TYW1B: variants seen among roughly 807,000 people sequenced by gnomAD.
TYW1B encodes the protein tRNA-yW synthesizing protein 1 homolog B.
A neutral mutation model predicts 86.9 loss-of-function variants in TYW1B; 73 were observed. The observed-to-expected ratio is 0.84, with a 90% CI of 0.70 to 1.02. The LOEUF (loss-of-function observed/expected upper bound fraction) is 1.02, where lower values mean the gene tolerates loss of function less well. Ranked by LOEUF, TYW1B falls within the 50% of genes least tolerant of loss-of-function variation. The pLI, the probability that TYW1B is intolerant of heterozygous loss-of-function variation, is 0.00. For synonymous variants in TYW1B, 248 were observed against 292.8 expected, an observed-to-expected ratio of 0.85 and a Z score of 1.56; for missense variants, 637 against 827.4, an observed-to-expected ratio of 0.77 and a Z score of 2.82.
At chr7:72,814,264 G>A (rs1301801516) in intron 3 of TYW1B, among the ~76,000 whole-genome samples, 2 of 151,866 alleles carry the variant, frequency 1.3e-5, no homozygotes, top group Non-Finnish European at 2.9e-5. Context: ...GACCCGCCTG[G>A]GCAACACAGT....
intron 7 of TYW1B, among the ~76,000 whole-genome samples, chr7:72,758,169 G>A (rs1191615943): frequency 4.6e-5 from 7 of 152,064 alleles, no homozygotes; most frequent in African/African-American, 7.2e-5. Flanking sequence ...GCAGTGAGCC[G>A]AGATTGTGCC....
chr7:72,744,443 C>T (rs1554463077), intron 8 of TYW1B, 41 bp downstream of exon 8: 5 of 1,563,212 alleles, frequency 3.2e-6, no homozygotes, highest in Middle Eastern at 1.7e-4. Context: ...TACCACAGCT[C>T]ATTACATATT....
chr7:72,634,930 G>A (rs1275493161), intron 11 of TYW1B, among the ~76,000 whole-genome samples: 2 of 152,014 alleles, frequency 1.3e-5, no homozygotes, highest in Admixed American at 1.3e-4. Context: ...TCCACTTTAT[G>A]GCTTCCTTTT....
intron 6 of TYW1B, among the ~76,000 whole-genome samples, chr7:72,778,563 C>G (rs1787996908): frequency 6.6e-6 from 1 of 152,206 alleles, no homozygotes; most frequent in Non-Finnish European, 1.5e-5. Context: ...AATTCTCATG[C>G]CTCAGCCTCC....
At chr7:72,756,675 G>T (rs1787595396) in intron 7 of TYW1B, among the ~76,000 whole-genome samples, 1 of 152,092 alleles carries the variant, frequency 6.6e-6, no homozygotes. Context: ...TGAGTTACTG[G>T]TAGCCTGCGG....
intron 13 of TYW1B, among the ~76,000 whole-genome samples, chr7:72,596,718 T>C (rs1563023448): frequency 1.3e-5 from 2 of 152,064 alleles, no homozygotes; most frequent in African/African-American, 2.4e-5. Flanking sequence ...ACATTGAACA[T>C]AGCAGTGATT....
At chr7:72,737,268 G>A (rs1787213268) in intron 8 of TYW1B, among the ~76,000 whole-genome samples, 2 of 152,196 alleles carry the variant, frequency 1.3e-5, no homozygotes, top group African/African-American at 4.8e-5. Context: ...GAAACAGATG[G>A]CAAATTCTAA....
intron 13 of TYW1B, among the ~76,000 whole-genome samples, chr7:72,597,576 C>A (rs1284419098): frequency 1.3e-5 from 2 of 151,702 alleles, no homozygotes; most frequent in African/African-American, 2.4e-5. Flanking sequence ...GCGGTACCAC[C>A]CTGAACGCAC....
intron 11 of TYW1B, among the ~76,000 whole-genome samples, chr7:72,666,362 G>A (rs1227594153): frequency 6.6e-6 from 1 of 152,078 alleles, no homozygotes; most frequent in Non-Finnish European, 1.5e-5. Context: ...GGAGGCGGAG[G>A]CTGCAGTGAG....
At chr7:72,746,695 T>C (rs1224949424) in intron 7 of TYW1B, among the ~76,000 whole-genome samples, 1 of 152,140 alleles carries the variant, frequency 6.6e-6, no homozygotes, top group East Asian at 1.9e-4. Context: ...CAGAGATCTC[T>C]CTGCACGTGC....
At chr7:72,649,547 T>C (rs1394904917) in intron 11 of TYW1B, among the ~76,000 whole-genome samples, 2 of 152,176 alleles carry the variant, frequency 1.3e-5, no homozygotes, top group Non-Finnish European at 2.9e-5. Flanking sequence ...GTAAAATCTC[T>C]GGTAATGTTC....
intron 7 of TYW1B, among the ~76,000 whole-genome samples, chr7:72,765,932 A>C (rs1265571323): frequency 6.6e-6 from 1 of 152,242 alleles, no homozygotes; most frequent in East Asian, 1.9e-4. Context: ...GGTTGGAATA[A>C]GACTTCATAT....
intron 9 of TYW1B, among the ~76,000 whole-genome samples, chr7:72,720,803 G>A (rs1303715191): frequency 6.6e-6 from 1 of 151,954 alleles, no homozygotes; most frequent in Non-Finnish European, 1.5e-5. Context: ...CAATGTGCAG[G>A]TTTGTTACAT....
At chr7:72,805,546 G>A (rs1228252957) in intron 5 of TYW1B, among the ~76,000 whole-genome samples, 1 of 151,666 alleles carries the variant, frequency 6.6e-6, no homozygotes, top group Non-Finnish European at 1.5e-5. Context: ...TGGGGAGGTT[G>A]AGGCTGCAGT....
chr7:72,802,789 T>C (rs1554476048), intron 5 of TYW1B, among the ~76,000 whole-genome samples: 1 of 152,004 alleles, frequency 6.6e-6, no homozygotes, highest in Non-Finnish European at 1.5e-5. Context: ...CCTGGCTAAT[T>C]TTTGTAGTTT....
chr7:72,634,604 T>A (rs1174528012), intron 11 of TYW1B, among the ~76,000 whole-genome samples: 1 of 151,024 alleles, frequency 6.6e-6, no homozygotes, highest in Non-Finnish European at 1.5e-5. Flanking sequence ...GGCAATCTGA[T>A]TGCCAAAGAC....
chr7:72,709,306 C>T (rs1814687146), intron 10 of TYW1B, among the ~76,000 whole-genome samples: 1 of 152,166 alleles, frequency 6.6e-6, no homozygotes, highest in South Asian at 2.1e-4. Context: ...AAAAATGCAA[C>T]ACAATTTGCC....
At position 72,734,268 on chromosome 7, in the gene TYW1B, A is replaced by AAAAAAAAAAAAAAAAAAAAAAAAC. The variant is rs56806378; in HGVS notation, c.1083-5338_1083-5337insGTTTTTTTTTTTTTTTTTTTTTTT. Among the ~76,000 whole-genome samples, 4 of 98,156 alleles carry AAAAAAAAAAAAAAAAAAAAAAAAC rather than the reference A, an allele frequency of 4.1e-5. 1 individual carries two copies. The highest frequency in any genetic ancestry group is 6.3e-5 in the Non-Finnish European group (3 of 47,702). The allele number at this position is 98,156 out of a possible 152,430, so 64.4% of individuals were successfully genotyped here. A position where few individuals can be genotyped will look rare whatever the true frequency, so the allele number is the denominator to read the frequency against. ...TTAAAACTCCATCTCAAAAAAAAAA[A>AAAAAAAAAAAAAAAAAAAAAAAAC]ACACAACAAAAAAACTATAAACCTA... On this transcript the variant is annotated intron_variant, in intron 8 of 13. Coordinates refer to ENST00000620995, the MANE Select transcript of TYW1B (RefSeq NM_001145440.3).
chr7:72,716,805 A>AAT (rs1222364426), intron 9 of TYW1B, among the ~76,000 whole-genome samples: 5 of 136,466 alleles, frequency 3.7e-5, no homozygotes, highest in African/African-American at 5.5e-5. Flanking sequence ...CGTCTGGCTA[A>AAT]TTTTTTTTTT....
Sources: gnomAD v4.1 joint callset for allele counts (sites outside exome capture counted in the v4.1 genomes callset) on GRCh38, gnomAD v4.1.1 for gene constraint, MANE v1.5 for transcripts, NCBI Gene and HGNC (gene_info 2026-07-23, HGNC 2026-07-21) for gene names.